CGNL1: variants seen among roughly 807,000 people sequenced by gnomAD.
CGNL1 encodes cingulin like 1, also known as cingulin-like protein 1.
CGNL1 carries 132 observed loss-of-function variants against 141.2 expected under a neutral mutation model. The observed-to-expected ratio is 0.93, with a 90% CI of 0.81 to 1.08. CGNL1 has a LOEUF of 1.08. Ranked by LOEUF, CGNL1 falls within the 50% of genes least tolerant of loss-of-function variation. CGNL1 has a pLI of 0.00. For synonymous variants in CGNL1, 690 were observed against 622.1 expected, an observed-to-expected ratio of 1.11 and a Z score of -1.63; for missense variants, 1,870 against 1,588.6, an observed-to-expected ratio of 1.18 and a Z score of -3.01.
intron 15 of CGNL1, 82 bp downstream of exon 15, chr15:57,543,861 T>G: frequency 2.0e-6 from 2 of 1,022,366 alleles, no homozygotes; most frequent in South Asian, 1.4e-5. Flanking sequence ...TAGAAGCCCT[T>G]GGAGGTCCCT....
intron 12 of CGNL1, chr15:57,527,281 AC>A (rs2031672528): frequency 1.3e-5 from 2 of 152,268 alleles, no homozygotes; most frequent in Admixed American, 1.3e-4. Context: ...AGAGAAGAAC[AC>A]ATTTCCTCAA....
chr15:57,525,298 T>G (rs1166265405), intron 12 of CGNL1, among the ~76,000 whole-genome samples: 6 of 152,198 alleles, frequency 3.9e-5, no homozygotes, highest in Non-Finnish European at 5.9e-5. Flanking sequence ...GAAACCCAAA[T>G]GCTAGCTCCC....
At chr15:57,442,740 T>C (rs1349612238) in intron 4 of CGNL1, among the ~76,000 whole-genome samples, 1 of 152,072 alleles carries the variant, frequency 6.6e-6, no homozygotes, top group Non-Finnish European at 1.5e-5. Flanking sequence ...TACCTCAGCC[T>C]CCCAAGCAGC....
At chr15:57,517,454 A>G (rs1306990446) in intron 9 of CGNL1, among the ~76,000 whole-genome samples, 2 of 152,220 alleles carry the variant, frequency 1.3e-5, no homozygotes, top group Non-Finnish European at 2.9e-5. Context: ...GCACACTCTC[A>G]GCAGTAGGAA....
intron 1 of CGNL1, among the ~76,000 whole-genome samples, chr15:57,400,382 T>C (rs533666980): frequency 6.6e-6 from 1 of 152,216 alleles, no homozygotes; most frequent in Non-Finnish European, 1.5e-5. Flanking sequence ...TTGCTTCTAC[T>C]TGGCTTTGGG....
intron 1 of CGNL1, among the ~76,000 whole-genome samples, chr15:57,437,388 T>G (rs2063117722): frequency 6.6e-6 from 1 of 152,046 alleles, no homozygotes. Flanking sequence ...GGAAACATTA[T>G]ATTCAAATAG....
chr15:57,493,576 C>A (rs993072684), intron 8 of CGNL1, among the ~76,000 whole-genome samples: 3 of 152,138 alleles, frequency 2.0e-5, no homozygotes, highest in African/African-American at 7.2e-5. Flanking sequence ...TACATGATAT[C>A]TGCTGTTTCT....
At position 57,475,202 on chromosome 15, in the gene CGNL1, C is replaced by T. The variant is rs180781698; in HGVS notation, c.2403+13310C>T. ...GTCCCTGGTGGCTTCCCTTCAGTTA[C>T]AGAGTCCTGCCTGGTCTCCAAGGCC... On this transcript the variant is annotated intron_variant, in intron 8 of 18. Coordinates refer to ENST00000281282, the MANE Select transcript of CGNL1 (RefSeq NM_032866.5). Among the ~76,000 whole-genome samples, 151 of 152,342 alleles carry T rather than the reference C, an allele frequency of 9.9e-4. 1 individual carries two copies. The highest frequency in any genetic ancestry group is 1.7e-3 in the Non-Finnish European group (118 of 68,028).
chr15:57,468,233 T>C (rs1307787355), intron 8 of CGNL1, among the ~76,000 whole-genome samples: 1 of 59,942 alleles, frequency 1.7e-5, no homozygotes, highest in Non-Finnish European at 3.3e-5. Context: ...CTTTTCTTTT[T>C]CTTTTTTTTT....
chr15:57,439,534 C>T lies in CGNL1; in HGVS notation c.1535C>T (p.Ala512Val), dbSNP rs1435768728. The T allele has an allele frequency of 6.2e-7, 1 of 1,614,190 alleles. No homozygotes were observed. The highest frequency in any genetic ancestry group is 1.3e-5 in the African/African-American group (1 of 75,064). ...CTGATGTTACAGAACCGGGCAACAG[C>T]AACTTCGCCTGATTCTGGTGCCAAG... ...ATLMLQNRATATSPDSGAKKI... is the reference protein window; with the variant it reads ...ATLMLQNRATVTSPDSGAKKI... The change falls in exon 2 of 19, where the codon GCA (alanine) becomes GTA (valine). Residue 512 changes from alanine (A) to valine (V), a missense_variant. Coordinates refer to ENST00000281282, the MANE Select transcript of CGNL1 (RefSeq NM_032866.5).
chr15:57,548,524 G>T lies in CGNL1; in HGVS notation c.*1034G>T, dbSNP rs1052394556. 1.3e-5 allele frequency: 2 copies of T among 152,244 alleles called. No individual in the cohort carries two copies. Among genetic ancestry groups the T allele is most frequent in the South Asian group, 4.1e-4 (2 of 4,834 alleles). 9.4% of individuals were successfully genotyped at this position (152,244 alleles called of 1,614,324 possible). Reference sequence around the variant, plus strand: ...TGGCACAGGGGAAAGCCAGAAGGTTGCTTGTGTCTGTGACTGCAGCTATGG... The same window carrying T: ...TGGCACAGGGGAAAGCCAGAAGGTTTCTTGTGTCTGTGACTGCAGCTATGG... On this transcript the variant is annotated 3_prime_UTR_variant, in exon 19 of 19. Coordinates refer to ENST00000281282, the MANE Select transcript of CGNL1 (RefSeq NM_032866.5).
At chr15:57,499,426 C>T (rs974736934) in intron 8 of CGNL1, among the ~76,000 whole-genome samples, 17 of 151,616 alleles carry the variant, frequency 1.1e-4, no homozygotes, top group South Asian at 4.2e-4. Context: ...TTAGTAGAGG[C>T]GGGGTTTCAC....
intron 16 of CGNL1, among the ~76,000 whole-genome samples, chr15:57,544,839 C>G (rs1179819289): frequency 6.6e-6 from 1 of 152,134 alleles, no homozygotes; most frequent in Non-Finnish European, 1.5e-5. Context: ...AGTTTAGGAC[C>G]CCCACTTCTC....
intron 8 of CGNL1, among the ~76,000 whole-genome samples, chr15:57,498,149 G>A (rs557312355): frequency 9.9e-5 from 15 of 151,866 alleles, no homozygotes; most frequent in African/African-American, 3.1e-4. Context: ...CCTCTTCATA[G>A]CATTGGGTTC....
intron 8 of CGNL1, among the ~76,000 whole-genome samples, chr15:57,498,087 C>A (rs1348923359): frequency 6.6e-6 from 1 of 152,094 alleles, no homozygotes; most frequent in Non-Finnish European, 1.5e-5. Context: ...TGGCACCAAG[C>A]ACTCTGCAGC....
intron 4 of CGNL1, among the ~76,000 whole-genome samples, chr15:57,447,808 G>A (rs2063273501): frequency 6.7e-5 from 2 of 29,668 alleles, no homozygotes; most frequent in South Asian, 2.7e-3. Context: ...CTCTTTTCGT[G>A]TGTGTGTGTG....
chr15:57,442,476 C>T lies in CGNL1; in HGVS notation c.1801C>T (p.Gln601Ter). 6.3e-7 allele frequency: 1 copy of T among 1,589,214 alleles called. No individual in the cohort carries two copies. Among genetic ancestry groups the T allele is most frequent in the Non-Finnish European group, 8.6e-7 (1 of 1,157,824 alleles). ...AGCTGGGAGCGCCCAAGGAAATAACCAAGTAAATGGAAGTTTTGTATTTTG... is the reference window on the plus strand; with the variant it reads ...AGCTGGGAGCGCCCAAGGAAATAACTAAGTAAATGGAAGTTTTGTATTTTG... ...RAAGSAQGNN[Q>*]ACNSTSEVKD... Residue 601 changes from glutamine (Q) to a stop codon, truncating the protein, a stop_gained and splice_region_variant, in exon 4 of 19, where the codon CAA becomes TAA. Coordinates refer to ENST00000281282, the MANE Select transcript of CGNL1 (RefSeq NM_032866.5). LOFTEE classifies it high-confidence loss of function.
intron 8 of CGNL1, among the ~76,000 whole-genome samples, chr15:57,483,470 T>TTTC (rs1555442749): frequency 3.0e-4 from 25 of 84,662 alleles, no homozygotes; most frequent in Non-Finnish European, 5.5e-4. Context: ...AAAGTTTTCT[T>TTTC]TTTTTTTTTT....
chr15:57,536,418 G>A (rs906794806), intron 14 of CGNL1, among the ~76,000 whole-genome samples: 8 of 152,264 alleles, frequency 5.3e-5, no homozygotes, highest in African/African-American at 1.2e-4. Flanking sequence ...AGAGAGAAAC[G>A]TTTTTCAAAC....
Sources: gnomAD v4.1 joint callset for allele counts (sites outside exome capture counted in the v4.1 genomes callset) on GRCh38, gnomAD v4.1.1 for gene constraint, MANE v1.5 for transcripts, NCBI Gene and HGNC (gene_info 2026-07-23, HGNC 2026-07-21) for gene names.